Variants in LHFPL3 observed in about 807,000 individuals in gnomAD.
LHFPL3 encodes LHFPL tetraspan subfamily member 3, also known as LHFPL tetraspan subfamily member 3 protein.
Under a neutral mutation model 19.3 loss-of-function variants are expected in LHFPL3, and 5 were observed. The ratio of observed to expected loss-of-function variants is 0.26; its 90% CI spans 0.14 to 0.54. The LOEUF (loss-of-function observed/expected upper bound fraction) is 0.54, where lower values mean the gene tolerates loss of function less well. Among genes scored for constraint, LHFPL3 ranks in the 20% least tolerant of loss-of-function variants. The pLI, the probability that LHFPL3 is intolerant of heterozygous loss-of-function variation, is 0.94. For missense variants in LHFPL3, 249 were observed against 307.4 expected (o/e 0.81, Z 1.42); for synonymous variants, 133 against 126.2 (o/e 1.05, Z -0.36).
rs184235452 is a variant in LHFPL3 at position 104,480,000 on chromosome 7, A to G, written c.445+150776A>G. On this transcript the variant is annotated intron_variant, in intron 1 of 2. Coordinates refer to ENST00000424859, the MANE Select transcript of LHFPL3 (RefSeq NM_199000.3). Reference sequence around the variant, plus strand: ...CAAAACAGAAAACTGAAACTTTAGGATGAAGGTTATGATGTTTAAATGGTA... The same window carrying G: ...CAAAACAGAAAACTGAAACTTTAGGGTGAAGGTTATGATGTTTAAATGGTA... Among the ~76,000 whole-genome samples the G allele has an allele frequency of 2.6e-5, 4 of 152,314 alleles. No homozygotes were observed. The East Asian group carries it at 5.8e-4, about 22-fold the overall frequency.
chr7:104,488,514 A>G (rs1793278855), intron 1 of LHFPL3, among the ~76,000 whole-genome samples: 1 of 152,180 alleles, frequency 6.6e-6, no homozygotes, highest in African/African-American at 2.4e-5. Context: ...CTTTAGAAGT[A>G]TGATTGTATA....
intron 1 of LHFPL3, among the ~76,000 whole-genome samples, chr7:104,467,693 A>C (rs1792820791): frequency 6.6e-6 from 1 of 152,226 alleles, no homozygotes; most frequent in Non-Finnish European, 1.5e-5. Context: ...CCAATGAAGA[A>C]ATTAGATACA....
chr7:104,628,895 T>G (rs1791592227), intron 1 of LHFPL3, among the ~76,000 whole-genome samples: 1 of 152,186 alleles, frequency 6.6e-6, no homozygotes, highest in Non-Finnish European at 1.5e-5. Context: ...GTTCTGATAT[T>G]AGATATGAAA....
intron 1 of LHFPL3, among the ~76,000 whole-genome samples, chr7:104,621,262 C>G (rs1791441730): frequency 6.6e-6 from 1 of 152,110 alleles, no homozygotes; most frequent in African/African-American, 2.4e-5. Context: ...GGGTTTTCTC[C>G]CTTTATGGAT....
At position 104,755,601 on chromosome 7, in the gene LHFPL3, C is replaced by G. The variant is rs145363095; in HGVS notation, c.682+18690C>G. On this transcript the variant is annotated intron_variant, in intron 2 of 2. Coordinates refer to ENST00000424859, the MANE Select transcript of LHFPL3 (RefSeq NM_199000.3). ...ACACCACCACACACACACACACACA[C>G]AGAGAGAAACACCCACATATATTAA... Among the ~76,000 whole-genome samples the G allele has an allele frequency of 6.1e-3, 931 of 151,718 alleles. 7 individuals carry two copies. Among genetic ancestry groups the G allele is most frequent in the African/African-American group, 0.019 (770 of 41,422 alleles).
intron 1 of LHFPL3, among the ~76,000 whole-genome samples, chr7:104,456,674 A>G (rs545121633): frequency 2.2e-4 from 34 of 152,338 alleles, no homozygotes; most frequent in African/African-American, 8.2e-4. Flanking sequence ...TTGAATTGCA[A>G]GCATCACTAC....
At chr7:104,598,606 T>A (rs558321428) in intron 1 of LHFPL3, among the ~76,000 whole-genome samples, 5 of 152,336 alleles carry the variant, frequency 3.3e-5, no homozygotes, top group African/African-American at 1.2e-4. Flanking sequence ...CAATAATGTC[T>A]GCTTATAAGA....
intron 1 of LHFPL3, among the ~76,000 whole-genome samples, chr7:104,387,982 C>T (rs537051015): frequency 6.6e-6 from 1 of 152,222 alleles, no homozygotes; most frequent in South Asian, 2.1e-4. Flanking sequence ...CTTTTATTCA[C>T]TTCTTTGTGT....
At chr7:104,810,682 T>C (rs1790446988) in intron 2 of LHFPL3, among the ~76,000 whole-genome samples, 1 of 152,144 alleles carries the variant, frequency 6.6e-6, no homozygotes, top group African/African-American at 2.4e-5. Flanking sequence ...GGAGGTGTTA[T>C]TAGTGCTATT....
chr7:104,475,251 G>A (rs1792988541), intron 1 of LHFPL3, among the ~76,000 whole-genome samples: 1 of 151,946 alleles, frequency 6.6e-6, no homozygotes, highest in African/African-American at 2.4e-5. Flanking sequence ...GGTGCAGACA[G>A]AAAGTCAAAA....
chr7:104,680,933 T>C (rs1438519310), intron 1 of LHFPL3, among the ~76,000 whole-genome samples: 2 of 152,180 alleles, frequency 1.3e-5, no homozygotes, highest in Non-Finnish European at 2.9e-5. Context: ...ACCGAGCTAC[T>C]GATTACAGAA....
chr7:104,887,039 G>A (rs527302358), intron 2 of LHFPL3, among the ~76,000 whole-genome samples: 4 of 152,298 alleles, frequency 2.6e-5, no homozygotes, highest in South Asian at 2.1e-4. Context: ...TGTTTCCCAC[G>A]TCTGAAAGGA....
chr7:104,704,723 C>T (rs1412663157), intron 1 of LHFPL3, among the ~76,000 whole-genome samples: 1 of 152,092 alleles, frequency 6.6e-6, no homozygotes, highest in African/African-American at 2.4e-5. Context: ...ACAGCCTCGG[C>T]CTCCTGGGCT....
intron 1 of LHFPL3, among the ~76,000 whole-genome samples, chr7:104,559,717 G>A (rs1399100026): frequency 6.6e-6 from 1 of 152,018 alleles, no homozygotes; most frequent in Non-Finnish European, 1.5e-5. Context: ...CCAACACTAT[G>A]TTGAATAGGA....
intron 1 of LHFPL3, among the ~76,000 whole-genome samples, chr7:104,505,265 G>A (rs1230747658): frequency 3.3e-5 from 5 of 152,182 alleles, no homozygotes; most frequent in Non-Finnish European, 7.3e-5. Context: ...TATATTCAAT[G>A]ATGAACAGGG....
intron 1 of LHFPL3, among the ~76,000 whole-genome samples, chr7:104,684,206 TGAG>T (rs1792764737): frequency 6.6e-6 from 1 of 152,220 alleles, no homozygotes; most frequent in African/African-American, 2.4e-5. Context: ...CAGGTGAGGA[TGAG>T]GAGGGAGGAT....
At chr7:104,438,549 A>C (rs558436255) in intron 1 of LHFPL3, among the ~76,000 whole-genome samples, 7 of 152,342 alleles carry the variant, frequency 4.6e-5, no homozygotes, top group African/African-American at 1.7e-4. Context: ...TGATAATGAA[A>C]ATACAACATA....
At chr7:104,641,850 G>A (rs1014807452) in intron 1 of LHFPL3, among the ~76,000 whole-genome samples, 3 of 152,046 alleles carry the variant, frequency 2.0e-5, no homozygotes, top group South Asian at 4.2e-4. Flanking sequence ...ACTTTCCCCT[G>A]TATGAAATGT....
At chr7:104,836,374 C>T (rs754202861) in intron 2 of LHFPL3, among the ~76,000 whole-genome samples, 23 of 152,144 alleles carry the variant, frequency 1.5e-4, no homozygotes, top group African/African-American at 5.6e-4. Flanking sequence ...AAAGGTACTC[C>T]GTGGCTGTCT....
Sources: allele counts gnomAD v4.1 joint callset (sites outside exome capture counted in the v4.1 genomes callset), GRCh38; gene constraint gnomAD v4.1.1; transcripts MANE v1.5; gene names NCBI Gene and HGNC (gene_info 2026-07-23, HGNC 2026-07-21).